Variants in ROBO2 observed in about 807,000 individuals in gnomAD.
ROBO2 encodes roundabout guidance receptor 2.
ROBO2 carries 53 observed loss-of-function variants against 160.8 expected under a neutral mutation model. The observed-to-expected ratio is 0.33, with a 90% CI of 0.26 to 0.41. The LOEUF (loss-of-function observed/expected upper bound fraction) is 0.41. ROBO2 is among the 10% of genes least tolerant of loss of function. ROBO2 has a pLI of 1.00. For missense variants in ROBO2, 1,577 were observed against 1,722.4 expected (o/e 0.92, Z 1.49); for synonymous variants, 664 against 611.7 (o/e 1.09, Z -1.26).
intron 2 of ROBO2, among the ~76,000 whole-genome samples, chr3:76,798,308 G>GAAAGAAAGAAAGA (rs1386837917): frequency 1.6e-3 from 236 of 149,398 alleles, no homozygotes; most frequent in African/African-American, 5.5e-3. Flanking sequence ...AAGAAAGAAA[G>GAAAGAAAGAAAGA]AAAGAAAAAA....
At chr3:76,272,786 T>A (rs1234439087) in intron 2 of ROBO2, among the ~76,000 whole-genome samples, 2 of 27,138 alleles carry the variant, frequency 7.4e-5, no homozygotes, top group African/African-American at 1.6e-4. Context: ...ATAAAATATA[T>A]AAAATATATA....
At chr3:77,482,762 T>C (rs1314158386) in intron 4 of ROBO2, among the ~76,000 whole-genome samples, 3 of 152,070 alleles carry the variant, frequency 2.0e-5, no homozygotes, top group African/African-American at 7.2e-5. Context: ...ATATTAGTGG[T>C]CACTGAACGT....
At chr3:76,557,143 G>C (rs576976634) in intron 2 of ROBO2, among the ~76,000 whole-genome samples, 16 of 151,860 alleles carry the variant, frequency 1.1e-4, no homozygotes, top group Admixed American at 2.6e-4. Context: ...TTAAATTTTA[G>C]CTGTGTGTCT....
intron 2 of ROBO2, among the ~76,000 whole-genome samples, chr3:76,880,822 C>T (rs1038560606): frequency 7.9e-5 from 12 of 152,146 alleles, no homozygotes; most frequent in African/African-American, 2.9e-4. Context: ...AACTAATAGG[C>T]ATTTTAAGCA....
intron 2 of ROBO2, among the ~76,000 whole-genome samples, chr3:76,592,093 TTC>T (rs2086450778): frequency 6.6e-6 from 1 of 151,986 alleles, no homozygotes; most frequent in Admixed American, 6.6e-5. Context: ...ATGAGAAAAT[TTC>T]TGTTAAAAAA....
chr3:77,351,098 C>T (rs1339129855), intron 2 of ROBO2, among the ~76,000 whole-genome samples: 1 of 152,118 alleles, frequency 6.6e-6, no homozygotes, highest in East Asian at 1.9e-4. Flanking sequence ...AAGCTTCCTT[C>T]CTTCCTATTT....
At chr3:76,765,767 G>GT (rs2061546064) in intron 2 of ROBO2, among the ~76,000 whole-genome samples, 1 of 151,616 alleles carries the variant, frequency 6.6e-6, no homozygotes, top group Non-Finnish European at 1.5e-5. Flanking sequence ...ATCAGCTGAC[G>GT]TCTGATTACT....
intron 2 of ROBO2, among the ~76,000 whole-genome samples, chr3:76,585,700 T>C (rs2085991517): frequency 6.6e-6 from 1 of 152,180 alleles, no homozygotes. Flanking sequence ...ATATGACTGA[T>C]TAAAAATAAT....
At chr3:76,008,059 C>G (rs544645892) in intron 2 of ROBO2, among the ~76,000 whole-genome samples, 41 of 151,756 alleles carry the variant, frequency 2.7e-4, no homozygotes, top group African/African-American at 9.7e-4. Flanking sequence ...CATGGTGAAA[C>G]CCCAACTCTA....
chr3:77,556,514 T>C (rs1425049618), intron 8 of ROBO2, among the ~76,000 whole-genome samples: 1 of 151,910 alleles, frequency 6.6e-6, no homozygotes, highest in African/African-American at 2.4e-5. Flanking sequence ...GTTGGCTTTC[T>C]CATGATAGGT....
intron 2 of ROBO2, among the ~76,000 whole-genome samples, chr3:76,051,087 G>A (rs990272464): frequency 1.3e-5 from 2 of 151,470 alleles, no homozygotes; most frequent in Non-Finnish European, 2.9e-5. Flanking sequence ...ATCTTACACT[G>A]TTTGTTATAT....
intron 2 of ROBO2, among the ~76,000 whole-genome samples, chr3:76,070,460 G>T (rs2068413274): frequency 6.6e-6 from 1 of 152,124 alleles, no homozygotes; most frequent in African/African-American, 2.4e-5. Flanking sequence ...CATACCGGTT[G>T]ATCTCAAAAC....
intron 2 of ROBO2, among the ~76,000 whole-genome samples, chr3:76,370,003 T>A (rs1237958509): frequency 2.6e-5 from 4 of 151,984 alleles, no homozygotes; most frequent in African/African-American, 7.2e-5. Flanking sequence ...AGATAGACAC[T>A]CATTAATAAA....
chr3:77,419,041 T>G (rs1205057161), intron 2 of ROBO2, among the ~76,000 whole-genome samples: 1 of 152,156 alleles, frequency 6.6e-6, no homozygotes, highest in Admixed American at 6.6e-5. Context: ...GGTTTGGTTC[T>G]TTCTGGAGAC....
chr3:77,055,795 T>G (rs537373068), intron 1 of ROBO2, among the ~76,000 whole-genome samples: 2 of 152,312 alleles, frequency 1.3e-5, no homozygotes, highest in East Asian at 3.9e-4. Flanking sequence ...TACGAGATGA[T>G]TTCTTACTTT....
At chr3:77,377,882 C>T (rs2072905938) in intron 2 of ROBO2, among the ~76,000 whole-genome samples, 2 of 152,146 alleles carry the variant, frequency 1.3e-5, no homozygotes, top group African/African-American at 4.8e-5. Context: ...AGCCTGGCGG[C>T]CAAACAGAGC....
chr3:76,022,868 T>C (rs2066615731), intron 2 of ROBO2, among the ~76,000 whole-genome samples: 1 of 151,776 alleles, frequency 6.6e-6, no homozygotes, highest in Non-Finnish European at 1.5e-5. Flanking sequence ...TGACTTATTT[T>C]CTAGCCATGA....
At chr3:77,351,952 T>TG (rs1261089726) in intron 2 of ROBO2, among the ~76,000 whole-genome samples, 1 of 144,736 alleles carries the variant, frequency 6.9e-6, no homozygotes, top group Non-Finnish European at 1.5e-5. Context: ...TGTTGTGGAG[T>TG]GGGGGCAGGG....
chr3:76,995,520 C>T (rs1011372897), intron 2 of ROBO2, among the ~76,000 whole-genome samples: 11 of 152,140 alleles, frequency 7.2e-5, no homozygotes, highest in African/African-American at 1.9e-4. Flanking sequence ...ACTGAGGAAT[C>T]GCCACACTGA....
Sources: gnomAD v4.1 joint callset for allele counts (sites outside exome capture counted in the v4.1 genomes callset) on GRCh38, gnomAD v4.1.1 for gene constraint, MANE v1.5 for transcripts, NCBI Gene and HGNC (gene_info 2026-07-23, HGNC 2026-07-21) for gene names.